The following ZNF536 variants were observed in gnomAD, a reference collection of about 807,000 sequenced individuals.
ZNF536 encodes zinc finger protein 536.
Under a neutral mutation model 84.5 loss-of-function variants are expected in ZNF536, and 13 were observed. That is an observed-to-expected ratio of 0.15 (90% CI 0.10 to 0.24). The LOEUF (loss-of-function observed/expected upper bound fraction) is 0.24. ZNF536 is among the 10% of genes least tolerant of loss of function. ZNF536 has a pLI of 1.00. For synonymous variants in ZNF536, 811 were observed against 742.5 expected, an observed-to-expected ratio of 1.09 and a Z score of -1.50; for missense variants, 1,536 against 1,747.5, an observed-to-expected ratio of 0.88 and a Z score of 2.16.
chr19:30,477,643 C>T (rs913277362), intron 2 of ZNF536, among the ~76,000 whole-genome samples: 5 of 152,172 alleles, frequency 3.3e-5, no homozygotes, highest in African/African-American at 1.2e-4. Flanking sequence ...AGGGGGTTCT[C>T]ACTGACAGGG....
chr19:30,323,661 G>T (rs1285016168), intron 2 of ZNF536, among the ~76,000 whole-genome samples: 1 of 152,204 alleles, frequency 6.6e-6, no homozygotes, highest in East Asian at 1.9e-4. Context: ...AAGAAGGCAG[G>T]TGCTGTCTAG....
chr19:30,513,054 T>A (rs3786797), intron 2 of ZNF536, among the ~76,000 whole-genome samples: 16,429 of 152,226 alleles, frequency 0.11, 1,089 homozygotes, highest in East Asian at 0.3. Context: ...TTCTTTCATA[T>A]TTTCTTTATA....
intron 1 of ZNF536, among the ~76,000 whole-genome samples, chr19:30,246,117 C>T (rs563394404): frequency 6.6e-6 from 1 of 152,098 alleles, no homozygotes; most frequent in Non-Finnish European, 1.5e-5. Flanking sequence ...GTGGAGTAAC[C>T]CCACTGGCTT....
At position 30,272,901 on chromosome 19, in the gene ZNF536, G is replaced by A. The variant is rs149181779; in HGVS notation, c.-189-11171G>A. On this transcript the variant is annotated intron_variant, in intron 1 of 5. Transcript: ENST00000585628. ...AACATTCTGCTATAAACATTCATGC[G>A]CATTTTTTTTTAAATTTTTTACTTT... Among the ~76,000 whole-genome samples the A allele has an allele frequency of 8.0e-3, 1,217 of 152,080 alleles. 9 individuals carry two copies. Among genetic ancestry groups the A allele is most frequent in the Admixed American group, 0.014 (214 of 15,272 alleles).
intron 1 of ZNF536, among the ~76,000 whole-genome samples, chr19:30,381,713 A>G (rs2049030512): frequency 6.6e-6 from 1 of 152,148 alleles, no homozygotes; most frequent in Admixed American, 6.5e-5. Flanking sequence ...CTCAAAGGGT[A>G]TGGATGCGGG....
At chr19:30,609,769 TCTAC>T (rs774884343) in intron 1 of ZNF536, among the ~76,000 whole-genome samples, 2 of 97,706 alleles carry the variant, frequency 2.0e-5, no homozygotes, top group African/African-American at 8.4e-5. Context: ...CATCCACCCA[TCTAC>T]CCATCCATCC....
In ZNF536 at chr19:30,689,582, A is replaced by C. The variant is rs146845894; in HGVS notation, c.170-21175A>C. Among the ~76,000 whole-genome samples, 195 of 152,354 alleles carry C rather than the reference A, an allele frequency of 1.3e-3. 1 individual carries two copies. Among genetic ancestry groups the C allele is most frequent in the African/African-American group, 4.3e-3 (180 of 41,578 alleles). On this transcript the variant is annotated intron_variant, in intron 1 of 1. Coordinates refer to the ZNF536 transcript ENST00000592773. ...AATGTGATTGTCAGGAAATGTTATC[A>C]AAATGAGGAGATTCCCTCTCAAAGG...
intron 2 of ZNF536, among the ~76,000 whole-genome samples, chr19:30,532,850 G>A (rs1286100965): frequency 3.3e-5 from 5 of 152,188 alleles, no homozygotes; most frequent in Non-Finnish European, 5.9e-5. Flanking sequence ...CATATGTAGA[G>A]CATTTGTCTG....
chr19:30,510,629 T>C (rs1030806030), intron 2 of ZNF536, among the ~76,000 whole-genome samples: 1 of 152,166 alleles, frequency 6.6e-6, no homozygotes, highest in African/African-American at 2.4e-5. Flanking sequence ...TGCTCCTCGA[T>C]GTAGAGTGTT....
chr19:30,523,087 C>T (rs1417475406), intron 2 of ZNF536, among the ~76,000 whole-genome samples: 1 of 152,022 alleles, frequency 6.6e-6, no homozygotes, highest in African/African-American at 2.4e-5. Context: ...GATCATGTCC[C>T]CTCATGCTGG....
intron 1 of ZNF536, among the ~76,000 whole-genome samples, chr19:30,595,427 A>G (rs919024125): frequency 6.6e-6 from 1 of 152,038 alleles, no homozygotes; most frequent in Non-Finnish European, 1.5e-5. Flanking sequence ...AGCTGGCATT[A>G]CAGGCTTATG....
Position 30,396,894 on chromosome 19 carries a change from C to T in ZNF536, c.-3+24338C>T, listed in dbSNP as rs1036294696. On this transcript the variant is annotated intron_variant, in intron 1 of 4. Coordinates refer to ENST00000355537, the MANE Select transcript of ZNF536 (RefSeq NM_014717.3). ...TGCTGGGATTACAGGCGTGAACCAC[C>T]GTGCCCAGCCAAGCAGGCTCTCTTT... Among the ~76,000 whole-genome samples, 9 of 152,090 alleles carry T rather than the reference C, an allele frequency of 5.9e-5. No individual in the cohort carries two copies. In the East Asian group the frequency reaches 1.2e-3, roughly 20 times the overall value.
chr19:30,561,938 G>A (rs1302834383), downstream of ZNF536, among the ~76,000 whole-genome samples: 1 of 152,206 alleles, frequency 6.6e-6, no homozygotes, highest in African/African-American at 2.4e-5. Flanking sequence ...GAAAGTCGCA[G>A]ACCTACCAGA....
chr19:30,352,727 G>C (rs1439690205), intron 3 of ZNF536, among the ~76,000 whole-genome samples: 1 of 152,064 alleles, frequency 6.6e-6, no homozygotes, highest in Non-Finnish European at 1.5e-5. Context: ...TTGTGGTTTG[G>C]GTGTGTTTGG....
chr19:30,345,856 G>A (rs2047725099), intron 2 of ZNF536, among the ~76,000 whole-genome samples: 1 of 152,204 alleles, frequency 6.6e-6, no homozygotes. Flanking sequence ...TGGAATCAGT[G>A]GCAGAGCTGG....
In ZNF536 at chr19:30,324,535, G is replaced by A. The variant is rs569726869; in HGVS notation, c.-119-27833G>A. Among the ~76,000 whole-genome samples the A allele has an allele frequency of 1.1e-4, 17 of 152,278 alleles. 1 individual carries two copies. The South Asian group carries it at 1.7e-3, about 15-fold the overall frequency. On this transcript the variant is annotated intron_variant, in intron 2 of 5. Transcript: ENST00000585628. ...GTAGCTGAGACCACAGGCACATGCC[G>A]CCATGCCTGGTTAGTTTTAATTTTT... is the stretch of plus-strand genomic sequence containing the variant.
At chr19:30,510,561 G>A (rs929703598) in intron 2 of ZNF536, among the ~76,000 whole-genome samples, 5 of 152,216 alleles carry the variant, frequency 3.3e-5, no homozygotes, top group African/African-American at 7.2e-5. Flanking sequence ...TGAGTTGCCC[G>A]CAGAGGCATT....
chr19:30,605,373 A>T (rs1216486822), intron 1 of ZNF536, among the ~76,000 whole-genome samples: 1 of 151,732 alleles, frequency 6.6e-6, no homozygotes, highest in Admixed American at 6.6e-5. Flanking sequence ...AACATTCATT[A>T]TATCACTCTT....
At chr19:30,676,424 G>T (rs2050756064) in intron 1 of ZNF536, among the ~76,000 whole-genome samples, 1 of 152,156 alleles carries the variant, frequency 6.6e-6, no homozygotes, top group Non-Finnish European at 1.5e-5. Flanking sequence ...TCCATCATAG[G>T]TCTGCCTCGT....
Sources: allele counts gnomAD v4.1 joint callset (sites outside exome capture counted in the v4.1 genomes callset), GRCh38; gene constraint gnomAD v4.1.1; transcripts MANE v1.5; gene names NCBI Gene and HGNC (gene_info 2026-07-23, HGNC 2026-07-21).